The following NKAIN3 variants were observed in gnomAD, a reference collection of about 807,000 sequenced individuals.
NKAIN3 encodes sodium/potassium-transporting ATPase subunit beta-1-interacting protein 3.
A neutral mutation model predicts 30.2 loss-of-function variants in NKAIN3; 25 were observed. The observed-to-expected ratio is 0.83, with a 90% CI of 0.60 to 1.16. The LOEUF is 1.16. Among genes scored for constraint, NKAIN3 ranks in the 50% most tolerant of loss-of-function variants. NKAIN3 has a pLI of 0.00. For missense variants in NKAIN3, 225 were observed against 254.1 expected, an observed-to-expected ratio of 0.89 and a Z score of 0.78; for synonymous variants, 91 against 89.6, an observed-to-expected ratio of 1.02 and a Z score of -0.09.
chr8:62,804,837 A>G (rs1309619557), intron 4 of NKAIN3, among the ~76,000 whole-genome samples: 1 of 152,228 alleles, frequency 6.6e-6, no homozygotes, highest in African/African-American at 2.4e-5. Context: ...AGGGTATTCA[A>G]TTAGGAAAAG....
intron 3 of NKAIN3, among the ~76,000 whole-genome samples, chr8:62,667,673 T>G (rs534092184): frequency 1.3e-5 from 2 of 152,172 alleles, no homozygotes; most frequent in South Asian, 4.2e-4. Flanking sequence ...GCTGGTGCTT[T>G]CCTCACCACA....
intron 3 of NKAIN3, among the ~76,000 whole-genome samples, chr8:62,638,982 C>G (rs1169617214): frequency 6.6e-6 from 1 of 152,102 alleles, no homozygotes; most frequent in East Asian, 1.9e-4. Context: ...GAAAATTGCC[C>G]TGAAGAAATT....
intron 1 of NKAIN3, among the ~76,000 whole-genome samples, chr8:62,367,062 T>C (rs1407700050): frequency 6.6e-6 from 1 of 152,228 alleles, no homozygotes; most frequent in Non-Finnish European, 1.5e-5. Flanking sequence ...AGATACTTGA[T>C]ATTATTTCAG....
At chr8:62,882,024 G>C (rs557906848) in intron 4 of NKAIN3, among the ~76,000 whole-genome samples, 1 of 152,174 alleles carries the variant, frequency 6.6e-6, no homozygotes, top group African/African-American at 2.4e-5. Flanking sequence ...TCTTGTATTT[G>C]CCTACTTACC....
At chr8:62,793,886 A>T (rs1240329197) in intron 4 of NKAIN3, among the ~76,000 whole-genome samples, 1 of 152,218 alleles carries the variant, frequency 6.6e-6, no homozygotes. Flanking sequence ...CATTACTGGA[A>T]TTTGAGCCCA....
At chr8:62,805,114 A>C (rs1818226648) in intron 4 of NKAIN3, among the ~76,000 whole-genome samples, 1 of 152,146 alleles carries the variant, frequency 6.6e-6, no homozygotes, top group Non-Finnish European at 1.5e-5. Flanking sequence ...GGACCTCTTC[A>C]AGGAGAACTA....
chr8:62,467,704 A>G (rs898613643), intron 1 of NKAIN3, among the ~76,000 whole-genome samples: 1 of 152,176 alleles, frequency 6.6e-6, no homozygotes, highest in Non-Finnish European at 1.5e-5. Flanking sequence ...AGTAACCATG[A>G]TGCTCAATAA....
chr8:62,683,702 C>T (rs1346481545), intron 3 of NKAIN3, among the ~76,000 whole-genome samples: 1 of 152,134 alleles, frequency 6.6e-6, no homozygotes. Flanking sequence ...ATCTCATAAG[C>T]ATTTCATAAC....
intron 3 of NKAIN3, among the ~76,000 whole-genome samples, chr8:62,719,397 G>A (rs538988719): frequency 6.6e-6 from 1 of 152,130 alleles, no homozygotes; most frequent in Non-Finnish European, 1.5e-5. Context: ...TTAAAAATCT[G>A]GGAACCATAA....
At position 62,566,445 on chromosome 8, in the gene NKAIN3, A is replaced by G. The variant is rs199557201; in HGVS notation, c.55-13094A>G. Among the ~76,000 whole-genome samples the G allele has an allele frequency of 4.6e-5, 7 of 151,152 alleles. No homozygotes were observed. The East Asian group carries it at 5.9e-4, about 13-fold the overall frequency. Reference sequence around the variant, plus strand: ...TGCTTACCTCATAATTAATAAATGAATGAGTGAACTAAAGAAAGAAAAAAA... The same window carrying G: ...TGCTTACCTCATAATTAATAAATGAGTGAGTGAACTAAAGAAAGAAAAAAA... On this transcript the variant is annotated intron_variant, in intron 1 of 6. Coordinates refer to ENST00000623646, the MANE Select transcript of NKAIN3 (RefSeq NM_001304533.3).
chr8:62,616,288 G>T (rs1345349688), intron 3 of NKAIN3, among the ~76,000 whole-genome samples: 4 of 151,990 alleles, frequency 2.6e-5, no homozygotes, highest in Non-Finnish European at 1.5e-5. Flanking sequence ...TCTCATTCCA[G>T]CTACAAATGG....
intron 4 of NKAIN3, among the ~76,000 whole-genome samples, chr8:62,763,287 T>C (rs1285425871): frequency 9.0e-6 from 1 of 111,256 alleles, no homozygotes; most frequent in Non-Finnish European, 2.0e-5. Flanking sequence ...TAAAAAGAAG[T>C]ATCATCTAGA....
At chr8:62,763,221 CAAAAAAAAAAAAAAAAAAAAAAA>C (rs55873861) in intron 4 of NKAIN3, among the ~76,000 whole-genome samples, 3 of 47,188 alleles carry the variant, frequency 6.4e-5, no homozygotes, top group Non-Finnish European at 1.4e-4. Flanking sequence ...GACTCCGTCT[CAAAAAAAAAAAAAAAAAAAAAAA>C]AAAAAAAAAA....
intron 1 of NKAIN3, among the ~76,000 whole-genome samples, chr8:62,257,149 T>TACAGAAA (rs1812287461): frequency 6.6e-6 from 1 of 152,170 alleles, no homozygotes; most frequent in Non-Finnish European, 1.5e-5. Context: ...CAATACAGTA[T>TACAGAAA]TATTAACTAT....
chr8:62,522,872 A>T (rs892106515), intron 1 of NKAIN3, among the ~76,000 whole-genome samples: 4 of 152,138 alleles, frequency 2.6e-5, no homozygotes, highest in African/African-American at 9.7e-5. Flanking sequence ...AAAAGTTTAT[A>T]AAGTGAAAAC....
intron 1 of NKAIN3, among the ~76,000 whole-genome samples, chr8:62,458,007 C>T (rs1226726125): frequency 6.6e-6 from 1 of 152,110 alleles, no homozygotes; most frequent in African/African-American, 2.4e-5. Flanking sequence ...CATAGGTAGG[C>T]CCTCGACGGG....
At chr8:62,765,838 T>A (rs1373055653) in intron 4 of NKAIN3, among the ~76,000 whole-genome samples, 1 of 152,180 alleles carries the variant, frequency 6.6e-6, no homozygotes, top group African/African-American at 2.4e-5. Flanking sequence ...CAGTATTTTA[T>A]ATTCCACTTC....
chr8:62,483,709 G>T, intron 1 of NKAIN3: 1 of 305,126 alleles, frequency 3.3e-6, no homozygotes, highest in Non-Finnish European at 6.5e-6. Flanking sequence ...CCCTTGCCGA[G>T]TCAATAAATT....
intron 3 of NKAIN3, among the ~76,000 whole-genome samples, chr8:62,594,508 C>A (rs1253181370): frequency 9.9e-5 from 15 of 152,056 alleles, no homozygotes; most frequent in Admixed American, 9.8e-4. Context: ...TTGTTTCCCT[C>A]ACTAATCCAA....
Sources: gnomAD v4.1 joint callset for allele counts (sites outside exome capture counted in the v4.1 genomes callset) on GRCh38, gnomAD v4.1.1 for gene constraint, MANE v1.5 for transcripts, NCBI Gene and HGNC (gene_info 2026-07-23, HGNC 2026-07-21) for gene names.